Variants in FAM72B observed in about 807,000 individuals in gnomAD.
FAM72B encodes protein FAM72B.
A neutral mutation model predicts 12.6 loss-of-function variants in FAM72B; 4 were observed. That is an observed-to-expected ratio of 0.32 (90% confidence interval 0.16 to 0.73). The LOEUF (loss-of-function observed/expected upper bound fraction) is 0.73. Ranked by LOEUF, FAM72B falls within the 30% of genes least tolerant of loss-of-function variation. The probability of loss-of-function intolerance (pLI) is 0.67; values close to 1 mark genes in which losing one functional copy is unlikely to be tolerated. For synonymous variants in FAM72B, 13 were observed against 53.9 expected (o/e 0.24, Z 3.32); for missense variants, 61 against 158.4 (o/e 0.39, Z 3.30).
At chr1:121,169,098 ATCACT>A (rs1654036990) in intron 3 of FAM72B, among the ~76,000 whole-genome samples, 39 of 148,986 alleles carry the variant, frequency 2.6e-4, no homozygotes, top group African/African-American at 9.4e-4. Flanking sequence ...ACAATCACAG[ATCACT>A]GCAGCCTGAA....
At chr1:121,171,993 A>T in intron 3 of FAM72B, among the ~76,000 whole-genome samples, 1 of 123,888 alleles carries the variant, frequency 8.1e-6, no homozygotes, top group Non-Finnish European at 1.7e-5. Context: ...AGACTAAAAC[A>T]TGCATTTAGG....
chr1:121,172,333 C>CAA (rs587668642), intron 3 of FAM72B, among the ~76,000 whole-genome samples: 3 of 76,982 alleles, frequency 3.9e-5, no homozygotes, highest in African/African-American at 1.3e-4. Context: ...ACCCTGTCTC[C>CAA]AAAAAAAAAA....
intron 3 of FAM72B, among the ~76,000 whole-genome samples, chr1:121,171,652 C>CTT (rs1461661210): frequency 5.0e-5 from 7 of 140,834 alleles, no homozygotes; most frequent in African/African-American, 1.9e-4. Context: ...AGGAAAAATA[C>CTT]TATCAAAGCA....
chr1:121,174,123 C>G (rs1364610887), intron 3 of FAM72B, among the ~76,000 whole-genome samples: 1 of 110,496 alleles, frequency 9.1e-6, no homozygotes, highest in African/African-American at 3.7e-5. Context: ...AAAACCTAAT[C>G]CAGAGCTAGG....
rs1553315736 is a variant in FAM72B, at chr1:121,168,785, C to G, written c.406G>C (p.Asp136His). ...GNLPEIEEST[D>H]EDVLNISAEE... ...GCTGAGATATTTAACACATCTTCATCTGTACTCTCTTCTATCTCTGGCAAG... is the reference window on the plus strand; with the variant it reads ...GCTGAGATATTTAACACATCTTCATGTGTACTCTCTTCTATCTCTGGCAAG... Residue 136 changes from aspartate to histidine, a missense_variant, in exon 4 of 4, where the codon GAT becomes CAT. By Grantham distance (81) the Asp-to-His change is moderately conservative. Coordinates refer to ENST00000369390, the MANE Select transcript of FAM72B (RefSeq NM_001100910.2). 1 of 1,606,480 alleles carries G rather than the reference C, an allele frequency of 6.2e-7. No individual in the cohort carries two copies. Among genetic ancestry groups the G allele is most frequent in the African/African-American group, 1.3e-5 (1 of 74,422 alleles).
intron 3 of FAM72B, among the ~76,000 whole-genome samples, chr1:121,173,148 T>A (rs1345195911): frequency 6.6e-6 from 1 of 151,658 alleles, no homozygotes; most frequent in African/African-American, 2.4e-5. Flanking sequence ...AATTTTTTTT[T>A]TAAAAGAATT....
intron 3 of FAM72B, among the ~76,000 whole-genome samples, chr1:121,171,875 A>G (rs9778155): frequency 0.16 from 7,282 of 45,308 alleles, 1,123 homozygotes; most frequent in Middle Eastern, 0.3. Context: ...AAAAATCTAA[A>G]CATAATTGGA....
At chr1:121,174,507 A>G (rs1267331644) in intron 3 of FAM72B, among the ~76,000 whole-genome samples, 2 of 143,420 alleles carry the variant, frequency 1.4e-5, no homozygotes, top group African/African-American at 2.6e-5. Context: ...AGCTGGGATT[A>G]TAGGCATGCG....
At chr1:121,179,540 C>T (rs1219279865) in intron 2 of FAM72B, among the ~76,000 whole-genome samples, 8 of 151,276 alleles carry the variant, frequency 5.3e-5, no homozygotes, top group Admixed American at 3.3e-4. Context: ...AAAAATTAGC[C>T]GTGTGGGCTG....
rs1228393832 is a variant in FAM72B, at chr1:121,174,726, G to A, written c.355+2482C>T. Among the ~76,000 whole-genome samples, 13 of 143,670 alleles carry A rather than the reference G, an allele frequency of 9.0e-5. No individual in the cohort carries two copies. In the East Asian group the frequency reaches 2.7e-3, roughly 30 times the overall value. 94.3% of individuals were successfully genotyped at this position (143,670 alleles called of 152,430 possible). ...ACTCTTGGTGCAATGGTGCGATCTC[G>A]GCTCACTTCAAACTCCACCTCCTGG... On this transcript the variant is annotated intron_variant, in intron 3 of 3. Coordinates refer to ENST00000369390, the MANE Select transcript of FAM72B (RefSeq NM_001100910.2).
intron 3 of FAM72B, among the ~76,000 whole-genome samples, chr1:121,170,133 G>T (rs587765430): frequency 4.7e-4 from 72 of 151,832 alleles, no homozygotes; most frequent in African/African-American, 1.7e-3. Flanking sequence ...ACCATGCCTG[G>T]GTAATTTTTG....
chr1:121,181,625 GC>G (rs1382133643), intron 1 of FAM72B, among the ~76,000 whole-genome samples: 4 of 142,476 alleles, frequency 2.8e-5, no homozygotes, highest in Non-Finnish European at 6.1e-5. Flanking sequence ...CCACCTCTTG[GC>G]TATTGTGAAT....
Position 121,168,590 on chromosome 1 carries a change from A to G in FAM72B, c.*151T>C. The G allele has an allele frequency of 1.1e-6, 1 of 897,822 alleles. No homozygotes were observed. The highest frequency in any genetic ancestry group is 1.6e-6 in the Non-Finnish European group (1 of 627,186). The allele number at this position is 897,822 out of a possible 1,614,324, so 55.6% of individuals were successfully genotyped here. On this transcript the variant is annotated 3_prime_UTR_variant, in exon 4 of 4. Coordinates refer to ENST00000369390, the MANE Select transcript of FAM72B (RefSeq NM_001100910.2). ...CCACTGGCTTCAATCAAACTGAGGT[A>G]ACTAATTAGAGACGGAAAATAAATA...
Position 121,168,690 on chromosome 1 carries a change from T to C in FAM72B, c.*51A>G, listed in dbSNP as rs782025756. 3 of 1,327,126 alleles carry C rather than the reference T, an allele frequency of 2.3e-6. No individual in the cohort carries two copies. The highest frequency in any genetic ancestry group is 2.0e-6 in the Non-Finnish European group (2 of 1,006,464). The allele number at this position is 1,327,126 out of a possible 1,614,324, so 82.2% of individuals were successfully genotyped here. A position where few individuals can be genotyped will look rare whatever the true frequency, so the allele number is the denominator to read the frequency against. ...AACAATTTTAAAGTTGATCCATTAA[T>C]ATATTTTTAAATAGAAAAAAGTTTG... On this transcript the variant is annotated 3_prime_UTR_variant, in exon 4 of 4. Coordinates refer to ENST00000369390, the MANE Select transcript of FAM72B (RefSeq NM_001100910.2).
At chr1:121,170,017 C>G (rs1255173324) in intron 3 of FAM72B, among the ~76,000 whole-genome samples, 2 of 151,976 alleles carry the variant, frequency 1.3e-5, no homozygotes, top group African/African-American at 4.8e-5. Flanking sequence ...ATTGCCCAGG[C>G]TGGAGACGAG....
At position 121,183,565 on chromosome 1, in the gene FAM72B, T is replaced by A. The variant is rs1654385863; in HGVS notation, c.-76A>T. 6.2e-7 allele frequency: 1 copy of A among 1,609,562 alleles called. No individual in the cohort carries two copies. Among genetic ancestry groups the A allele is most frequent in the Non-Finnish European group, 8.5e-7 (1 of 1,178,626 alleles). On this transcript the variant is annotated 5_prime_UTR_variant, in exon 1 of 4. Transcript: ENST00000369390. ...AATGCTCCTACTATTTTGATTCCCC[T>A]AGGCTAAAATTCAAGTTGCGGGACC...
In FAM72B at chr1:121,176,307, C is replaced by T. The variant is rs200139065; in HGVS notation, c.355+901G>A. On this transcript the variant is annotated intron_variant, in intron 3 of 3. Coordinates refer to ENST00000369390, the MANE Select transcript of FAM72B (RefSeq NM_001100910.2). ...ACCTCAGCCTCCTGGGTAGCTGGGACGATAGTATGCCCCACGATGCCTGGA... is the reference window on the plus strand; with the variant it reads ...ACCTCAGCCTCCTGGGTAGCTGGGATGATAGTATGCCCCACGATGCCTGGA... 2.5e-3 allele frequency among the ~76,000 whole-genome samples: 325 copies of T among 129,050 alleles called. 7 individuals are homozygous for T. The East Asian group carries it at 0.046, about 18-fold the overall frequency. The allele number at this position is 129,050 out of a possible 152,430, so 84.7% of individuals were successfully genotyped here.
At chr1:121,170,173 G>A (rs1212596502) in intron 3 of FAM72B, among the ~76,000 whole-genome samples, 4 of 150,110 alleles carry the variant, frequency 2.7e-5, no homozygotes, top group South Asian at 2.1e-4. Context: ...GTTTCACCAC[G>A]TTGGTCAGGG....
intron 3 of FAM72B, among the ~76,000 whole-genome samples, chr1:121,176,506 T>C (rs1654216249): frequency 1.6e-5 from 2 of 123,642 alleles, no homozygotes; most frequent in Admixed American, 1.7e-4. Flanking sequence ...ATGCACATTG[T>C]TTTTTAAATG....
Sources: gnomAD v4.1 joint callset for allele counts (sites outside exome capture counted in the v4.1 genomes callset) on GRCh38, gnomAD v4.1.1 for gene constraint, MANE v1.5 for transcripts, NCBI Gene and HGNC (gene_info 2026-07-23, HGNC 2026-07-21) for gene names.